The following RGS6 variants were observed in gnomAD, a reference collection of about 807,000 sequenced individuals.
RGS6 encodes regulator of G protein signaling 6.
RGS6 carries 30 observed loss-of-function variants against 78.5 expected under a neutral mutation model. The ratio of observed to expected loss-of-function variants is 0.38; its 90% confidence interval spans 0.29 to 0.52. RGS6 has a LOEUF of 0.52. RGS6 is among the 20% of genes least tolerant of loss of function. RGS6 has a pLI of 0.85. For missense variants in RGS6, 495 were observed against 609.7 expected, an observed-to-expected ratio of 0.81 and a Z score of 1.98; for synonymous variants, 206 against 206.0, an observed-to-expected ratio of 1.00 and a Z score of 0.00.
Position 72,380,251 on chromosome 14 carries a change from T to G in RGS6, c.184+28057T>G, listed in dbSNP as rs375362215. 4.6e-5 allele frequency among the ~76,000 whole-genome samples: 7 copies of G among 152,124 alleles called. No homozygotes were observed. The East Asian group carries it at 9.6e-4, about 21-fold the overall frequency. The stretch of plus-strand genomic sequence containing the variant: ...AACATAGGAGAAATGCTTCAGGACA[T>G]TGGCCTGGGAAAAGATTTTATGAAT... On this transcript the variant is annotated intron_variant, in intron 3 of 17. Coordinates refer to ENST00000553525, the MANE Select transcript of RGS6 (RefSeq NM_001204424.2).
chr14:72,097,760 C>T (rs2095439691), intron 2 of RGS6, among the ~76,000 whole-genome samples: 1 of 152,176 alleles, frequency 6.6e-6, no homozygotes, highest in Admixed American at 6.5e-5. Context: ...CCTCTTCTTG[C>T]TGGACAGGGT....
intron 2 of RGS6, among the ~76,000 whole-genome samples, chr14:72,032,858 G>A (rs72736000): frequency 0.081 from 12,328 of 151,958 alleles, 551 homozygotes; most frequent in East Asian, 0.17. Context: ...CTGTTAATCC[G>A]TTGACATTTA....
At chr14:72,586,627 T>C in the RGS6 span, among the ~76,000 whole-genome samples, 3 of 152,116 alleles carry the variant, frequency 2.0e-5, no homozygotes, top group Non-Finnish European at 4.4e-5. Flanking sequence ...GCCTCTTTAA[T>C]CTCCACCCTC....
At chr14:72,348,711 A>G (rs1042295332) in intron 2 of RGS6, among the ~76,000 whole-genome samples, 2 of 152,256 alleles carry the variant, frequency 1.3e-5, no homozygotes, top group African/African-American at 4.8e-5. Context: ...GCGTTCTTAG[A>G]AAGGGTGATT....
At chr14:72,124,299 C>A (rs1280751400) in intron 2 of RGS6, among the ~76,000 whole-genome samples, 2 of 152,182 alleles carry the variant, frequency 1.3e-5, no homozygotes, top group Non-Finnish European at 2.9e-5. Flanking sequence ...CCAGAGATCT[C>A]ATCAATTTAA....
chr14:72,224,416 C>CA (rs1323799208), intron 2 of RGS6, among the ~76,000 whole-genome samples: 3 of 147,490 alleles, frequency 2.0e-5, no homozygotes, highest in African/African-American at 5.0e-5. Context: ...GACCCTATCT[C>CA]AAAAAAAAGA....
intron 15 of RGS6, among the ~76,000 whole-genome samples, chr14:72,532,721 A>G (rs1334373866): frequency 6.6e-6 from 1 of 152,244 alleles, no homozygotes; most frequent in Non-Finnish European, 1.5e-5. Context: ...GTCTGAATAG[A>G]AGATCAAATC....
At chr14:71,924,033 A>G in the RGS6 span, among the ~76,000 whole-genome samples, 1 of 152,102 alleles carries the variant, frequency 6.6e-6, no homozygotes, top group Non-Finnish European at 1.5e-5. Context: ...TTATTTATTT[A>G]TTATTCATTC....
intron 17 of RGS6, among the ~76,000 whole-genome samples, chr14:72,551,547 C>CCTGCTCG (rs1350993779): frequency 2.0e-5 from 3 of 152,178 alleles, no homozygotes; most frequent in Admixed American, 2.0e-4. Context: ...CTGAAGGTGG[C>CCTGCTCG]CTGCTCGTGT....
intron 14 of RGS6, among the ~76,000 whole-genome samples, chr14:72,511,133 C>A (rs7161176): frequency 0.16 from 24,235 of 152,140 alleles, 2,038 homozygotes; most frequent in African/African-American, 0.21. Flanking sequence ...GTGATCTTAG[C>A]AAACTGGTGA....
chr14:72,531,679 A>G (rs78388246), intron 15 of RGS6, among the ~76,000 whole-genome samples: 2,111 of 152,220 alleles, frequency 0.014, 25 homozygotes, highest in Middle Eastern at 0.037. Context: ...TTTTAAATTG[A>G]GATGTAAAAG....
At chr14:71,964,516 CAAAACAA>C (rs1241486276) in intron 1 of RGS6, among the ~76,000 whole-genome samples, 1 of 151,796 alleles carries the variant, frequency 6.6e-6, no homozygotes, top group Non-Finnish European at 1.5e-5. Flanking sequence ...CAAAAAAAAA[CAAAACAA>C]AACACTGCTG....
At chr14:72,239,972 C>CT (rs2052332045) in intron 2 of RGS6, among the ~76,000 whole-genome samples, 1 of 152,136 alleles carries the variant, frequency 6.6e-6, no homozygotes, top group East Asian at 1.9e-4. Flanking sequence ...GTACTTCCTG[C>CT]TTAGGGTGCT....
At chr14:72,090,069 T>C (rs1044300757) in intron 2 of RGS6, among the ~76,000 whole-genome samples, 5 of 141,324 alleles carry the variant, frequency 3.5e-5, no homozygotes, top group Non-Finnish European at 6.0e-5. Flanking sequence ...GCCGAGATCA[T>C]GCCACTGCAC....
intron 3 of RGS6, among the ~76,000 whole-genome samples, chr14:72,361,712 T>C (rs887263629): frequency 6.6e-6 from 1 of 151,996 alleles, no homozygotes; most frequent in Admixed American, 6.6e-5. Flanking sequence ...GAGAAGGTGG[T>C]TGTGAGTTAA....
chr14:72,492,453 G>A (rs1391524327), intron 12 of RGS6, among the ~76,000 whole-genome samples: 2 of 152,196 alleles, frequency 1.3e-5, no homozygotes, highest in East Asian at 1.9e-4. Context: ...AGAAGGGAGC[G>A]AGTGACCTTT....
At chr14:72,219,795 AT>A (rs2046431959) in intron 2 of RGS6, among the ~76,000 whole-genome samples, 3 of 152,080 alleles carry the variant, frequency 2.0e-5, no homozygotes, top group Non-Finnish European at 4.4e-5. Context: ...TTTTATTCCA[AT>A]ATTTTTATTG....
the RGS6 span, among the ~76,000 whole-genome samples, chr14:72,572,483 G>A: frequency 3.9e-5 from 6 of 152,206 alleles, no homozygotes; most frequent in Non-Finnish European, 8.8e-5. Flanking sequence ...AATGAAGTAT[G>A]GATACACATC....
At chr14:72,200,165 A>C (rs556615548) in intron 2 of RGS6, among the ~76,000 whole-genome samples, 1 of 152,336 alleles carries the variant, frequency 6.6e-6, no homozygotes, top group Admixed American at 6.5e-5. Context: ...TTCTCTAATA[A>C]GGGAATCTAG....
Sources: allele counts gnomAD v4.1 joint callset (sites outside exome capture counted in the v4.1 genomes callset), GRCh38; gene constraint gnomAD v4.1.1; transcripts MANE v1.5; gene names NCBI Gene and HGNC (gene_info 2026-07-23, HGNC 2026-07-21).